Variants in UBE2W observed in about 807,000 individuals in gnomAD.
The protein encoded by UBE2W is ubiquitin-conjugating enzyme E2 W.
In UBE2W, 18 loss-of-function variants were observed where a neutral mutation model predicts 27.2. The observed-to-expected ratio is 0.66, with a 90% CI of 0.46 to 0.98. The LOEUF is 0.98. Among genes scored for constraint, UBE2W ranks in the 50% least tolerant of loss-of-function variants. The probability of loss-of-function intolerance (pLI) is 0.00; values close to 1 mark genes in which losing one functional copy is unlikely to be tolerated. For synonymous variants in UBE2W, 53 were observed against 57.2 expected (o/e 0.93, Z 0.33); for missense variants, 90 against 180.2 (o/e 0.50, Z 2.87).
rs188099172 is a variant in UBE2W at position 73,796,570 on chromosome 8, C to T, written c.443-2455G>A. The T allele has an allele frequency of 6.4e-5, 55 of 859,500 alleles. No homozygotes were observed. In the African/African-American group the frequency reaches 8.9e-4, roughly 14 times the overall value. 53.2% of individuals were successfully genotyped at this position (859,500 alleles called of 1,614,324 possible). Reference sequence around the variant, plus strand: ...ATCTTTGTGAAGCTACTTTCCAGATCCCAATCCCTGTTTCTGACTGATATG... The same window carrying T: ...ATCTTTGTGAAGCTACTTTCCAGATTCCAATCCCTGTTTCTGACTGATATG... On this transcript the variant is annotated intron_variant, in intron 5 of 5. Transcript: ENST00000602593.
chr8:73,866,678 G>C (rs1489998100), intron 1 of UBE2W, among the ~76,000 whole-genome samples: 1 of 151,736 alleles, frequency 6.6e-6, no homozygotes, highest in African/African-American at 2.4e-5. Context: ...AATAAACAAA[G>C]AAAAAAACAT....
Position 73,793,242 on chromosome 8 carries a change from T to C in UBE2W, c.*860A>G. On this transcript the variant is annotated 3_prime_UTR_variant, in exon 6 of 6. Transcript: ENST00000602593. Reference sequence around the variant, plus strand: ...CAGAGTGTAACTTACTTGGAAAAAATCTTTAATGTACAAATAACAAGCCCA... The same window carrying C: ...CAGAGTGTAACTTACTTGGAAAAAACCTTTAATGTACAAATAACAAGCCCA... 1.0e-6 allele frequency: 1 copy of C among 985,116 alleles called. No homozygotes were observed. The allele number at this position is 985,116 out of a possible 1,614,324, so 61.0% of individuals were successfully genotyped here.
At chr8:73,799,506 G>A (rs1808552834) in intron 5 of UBE2W, among the ~76,000 whole-genome samples, 1 of 152,132 alleles carries the variant, frequency 6.6e-6, no homozygotes, top group African/African-American at 2.4e-5. Context: ...ATAAAACCAG[G>A]AAATGAAGCA....
At chr8:73,866,211 C>T (rs1246012263) in intron 1 of UBE2W, among the ~76,000 whole-genome samples, 6 of 137,558 alleles carry the variant, frequency 4.4e-5, no homozygotes, top group African/African-American at 1.1e-4. Flanking sequence ...GTGGAGGTTG[C>T]AGTGACCCAA....
chr8:73,791,709 T>G lies in UBE2W; in HGVS notation c.*2393A>C. On this transcript the variant is annotated 3_prime_UTR_variant, in exon 6 of 6. Transcript: ENST00000602593. ...AATGATTCCTAAATTCAAGAGAGTG[T>G]TGTTAGCCTGATTATGAATTTTAAA... 1.0e-6 allele frequency: 1 copy of G among 985,188 alleles called. No homozygotes were observed. The highest frequency in any genetic ancestry group is 1.2e-6 in the Non-Finnish European group (1 of 829,734). The allele number at this position is 985,188 out of a possible 1,614,324, so 61.0% of individuals were successfully genotyped here.
At position 73,790,810 on chromosome 8, in the gene UBE2W, C is replaced by T. The variant is rs1808158330; in HGVS notation, c.*3292G>A. 1.0e-6 allele frequency: 1 copy of T among 984,326 alleles called. No homozygotes were observed. The allele number at this position is 984,326 out of a possible 1,614,324, so 61.0% of individuals were successfully genotyped here. A position where few individuals can be genotyped will look rare whatever the true frequency, so the allele number is the denominator to read the frequency against. On this transcript the variant is annotated 3_prime_UTR_variant, in exon 6 of 6. Coordinates refer to ENST00000602593, the MANE Select transcript of UBE2W (RefSeq NM_018299.6). ...ACCATTTTCATATCACTACTCATTT[C>T]CATTATTTACCAATTCATCTTTGAT...
At chr8:73,854,801 A>C (rs1200468529) in intron 1 of UBE2W, among the ~76,000 whole-genome samples, 1 of 152,240 alleles carries the variant, frequency 6.6e-6, no homozygotes, top group Admixed American at 6.5e-5. Flanking sequence ...AGCTACTAAT[A>C]AACCTGTTGA....
At chr8:73,825,397 TCTTA>T (rs1325658752) in intron 2 of UBE2W, 148 bp from the exon 3 acceptor site, 2 of 561,860 alleles carry the variant, frequency 3.6e-6, no homozygotes, top group East Asian at 5.6e-5. Context: ...CCAATAACTC[TCTTA>T]CTGTTAATTC....
chr8:73,804,692 A>G (rs1487853514), intron 5 of UBE2W, among the ~76,000 whole-genome samples: 3 of 151,788 alleles, frequency 2.0e-5, no homozygotes, highest in African/African-American at 4.8e-5. Flanking sequence ...CAAAACTTCT[A>G]TTTCAAACAA....
intron 5 of UBE2W, among the ~76,000 whole-genome samples, chr8:73,802,620 TG>T (rs1808693043): frequency 6.6e-6 from 1 of 152,258 alleles, no homozygotes; most frequent in South Asian, 2.1e-4. Context: ...CCAGGCGCAG[TG>T]GCTCACGCCT....
chr8:73,840,646 T>C (rs1810501858), intron 1 of UBE2W, among the ~76,000 whole-genome samples: 1 of 152,244 alleles, frequency 6.6e-6, no homozygotes, highest in African/African-American at 2.4e-5. Flanking sequence ...GTTGTTCTTC[T>C]GTATCCTCAG....
rs1420306040 is a variant in UBE2W, at chr8:73,804,822, C to T, written c.442+829G>A. 3.3e-5 allele frequency among the ~76,000 whole-genome samples: 5 copies of T among 151,902 alleles called. No individual in the cohort carries two copies. In the East Asian group the frequency reaches 9.7e-4, roughly 30 times the overall value. On this transcript the variant is annotated intron_variant, in intron 5 of 5. Coordinates refer to ENST00000602593, the MANE Select transcript of UBE2W (RefSeq NM_018299.6). ...CTCAGCTCACTTCAACCTTCGCCAC[C>T]AGGGTTCAAGTGATTCTCATGCATC...
At chr8:73,783,689 A>G (rs1807884694), downstream of UBE2W, among the ~76,000 whole-genome samples, 1 of 152,208 alleles carries the variant, frequency 6.6e-6, no homozygotes, top group South Asian at 2.1e-4. Flanking sequence ...AGCCAAGGCC[A>G]AGGTAATTTG....
At position 73,793,014 on chromosome 8, in the gene UBE2W, G is replaced by A. The variant is rs758899715; in HGVS notation, c.*1088C>T. On this transcript the variant is annotated 3_prime_UTR_variant, in exon 6 of 6. Coordinates refer to ENST00000602593, the MANE Select transcript of UBE2W (RefSeq NM_018299.6). The stretch of plus-strand genomic sequence containing the variant: ...TCTTATTTTAGGGTACAGGATTAAA[G>A]GACAAGATGATACTCACAAGTAAAG... 1 of 985,304 alleles carries A rather than the reference G, an allele frequency of 1.0e-6. No individual in the cohort carries two copies. Among genetic ancestry groups the A allele is most frequent in the East Asian group, 1.1e-4 (1 of 8,818 alleles). The allele number at this position is 985,304 out of a possible 1,614,324, so 61.0% of individuals were successfully genotyped here.
chr8:73,780,212 GCCT>G (rs1807816842), exon 5 of UBE2W: 1 of 175,226 alleles, frequency 5.7e-6, no homozygotes, highest in East Asian at 1.5e-4. Context: ...ACATTTCCCT[GCCT>G]CTTCCAGCCT....
chr8:73,781,842 T>G (rs920472215), downstream of UBE2W, among the ~76,000 whole-genome samples: 2 of 151,994 alleles, frequency 1.3e-5, no homozygotes, highest in Admixed American at 6.6e-5. Context: ...TGTGTGATTT[T>G]GGACAATTTG....
At chr8:73,871,988 A>G (rs1812025406) in intron 1 of UBE2W, among the ~76,000 whole-genome samples, 1 of 152,040 alleles carries the variant, frequency 6.6e-6, no homozygotes, top group Admixed American at 6.6e-5. Flanking sequence ...GAACTCCCTG[A>G]GCTCAGGTGA....
At chr8:73,870,111 G>A (rs527310994) in intron 1 of UBE2W, among the ~76,000 whole-genome samples, 1 of 152,128 alleles carries the variant, frequency 6.6e-6, no homozygotes, top group Admixed American at 6.5e-5. Context: ...CCACTGAACT[G>A]TATACTTTAA....
At chr8:73,821,114 G>A (rs7827639) in intron 3 of UBE2W, among the ~76,000 whole-genome samples, 8,673 of 152,040 alleles carry the variant, frequency 0.057, 814 homozygotes, top group African/African-American at 0.19. Context: ...TTTCCACACC[G>A]GTACTCGCAT....
Sources: gnomAD v4.1 joint callset for allele counts (sites outside exome capture counted in the v4.1 genomes callset) on GRCh38, gnomAD v4.1.1 for gene constraint, MANE v1.5 for transcripts, NCBI Gene and HGNC (gene_info 2026-07-23, HGNC 2026-07-21) for gene names.